The following TLE2 variants were observed in gnomAD, a reference collection of about 807,000 sequenced individuals.
TLE2 encodes the protein TLE family member 2, transcriptional corepressor.
A neutral mutation model predicts 97.2 loss-of-function variants in TLE2; 74 were observed. The observed-to-expected ratio is 0.76, with a 90% CI of 0.63 to 0.92. TLE2 has a LOEUF of 0.92. Among genes scored for constraint, TLE2 ranks in the 40% least tolerant of loss-of-function variants. The pLI is 0.00. For missense variants in TLE2, 1,038 were observed against 1,008.7 expected, an observed-to-expected ratio of 1.03 and a Z score of -0.39; for synonymous variants, 499 against 432.1, an observed-to-expected ratio of 1.15 and a Z score of -1.92.
At chr19:3,033,320 AC>A (rs1178220633), upstream of TLE2, among the ~76,000 whole-genome samples, 2 of 151,530 alleles carry the variant, frequency 1.3e-5, no homozygotes, top group African/African-American at 4.9e-5. Context: ...GGCGCCCACC[AC>A]CACGCCCAGC....
intron 8 of TLE2, among the ~76,000 whole-genome samples, chr19:3,017,522 C>T (rs539266895): frequency 1.4e-4 from 21 of 149,554 alleles, no homozygotes; most frequent in African/African-American, 5.0e-4. Flanking sequence ...ACGATCACAG[C>T]TCCCTTCAGC....
At chr19:3,031,000 GC>G (rs942453608), upstream of TLE2, among the ~76,000 whole-genome samples, 7 of 150,204 alleles carry the variant, frequency 4.7e-5, no homozygotes, top group African/African-American at 1.7e-4. Context: ...TCGTTTTCCA[GC>G]CCACAGATAT....
At chr19:3,018,793 T>C (rs1011615016) in intron 7 of TLE2, among the ~76,000 whole-genome samples, 1 of 151,626 alleles carries the variant, frequency 6.6e-6, no homozygotes, top group East Asian at 1.9e-4. Flanking sequence ...TTTTTTTGTA[T>C]TTTTAGTAGA....
At chr19:3,033,312 C>T (rs565389070), upstream of TLE2, among the ~76,000 whole-genome samples, 139 of 152,182 alleles carry the variant, frequency 9.1e-4, no homozygotes, top group Non-Finnish European at 1.4e-3. Flanking sequence ...GGACTACAGG[C>T]GCCCACCACC....
chr19:3,008,152 A>T (rs1264178292), intron 14 of TLE2, among the ~76,000 whole-genome samples: 1 of 152,198 alleles, frequency 6.6e-6, no homozygotes, highest in Non-Finnish European at 1.5e-5. Context: ...AAGTACTGAA[A>T]GCCACGCCCA....
chr19:3,014,681 C>T, intron 9 of TLE2, 67 bp from the exon 10 acceptor site: 1 of 1,429,818 alleles, frequency 7.0e-7, no homozygotes. Flanking sequence ...CTATCCGCTC[C>T]TCAGGAGTTG....
At chr19:3,006,843 C>T (rs1212798505) in intron 14 of TLE2, among the ~76,000 whole-genome samples, 174 bp from the exon 15 acceptor site, 3 of 152,136 alleles carry the variant, frequency 2.0e-5, no homozygotes, top group African/African-American at 7.2e-5. Flanking sequence ...AGTGCAGTGG[C>T]CCGATCTCAG....
chr19:3,019,546 A>C lies in TLE2; in HGVS notation c.370-83T>G. 1 of 1,486,174 alleles carries C rather than the reference A, an allele frequency of 6.7e-7. No homozygotes were observed. The allele number at this position is 1,486,174 out of a possible 1,614,324, so 92.1% of individuals were successfully genotyped here. On this transcript the variant is annotated intron_variant, in intron 6 of 19. Transcript: ENST00000262953. This position sits in a 1 kb window ranked among gnomAD's most constrained non-coding sequence, Gnocchi z 5.1. ...CCAGCCCAAGAGGTAGACACAGGGG[A>C]TGGGACCTAAGCACAGCATGTGCCC...
intron 8 of TLE2, 200 bp from the exon 9 acceptor site, chr19:3,015,960 G>A (rs1452772933): frequency 2.3e-5 from 15 of 663,656 alleles, no homozygotes; most frequent in Admixed American, 8.2e-5. Context: ...TGTTTTTGAC[G>A]GAGTCTTGCT....
chr19:3,009,887 C>CTCTTTTTTTT (rs764492373), intron 12 of TLE2, among the ~76,000 whole-genome samples, 185 bp from the exon 13 acceptor site: 4 of 148,518 alleles, frequency 2.7e-5, no homozygotes, highest in African/African-American at 7.4e-5. Context: ...TTCTCTCTCT[C>CTCTTTTTTTT]TTTTTTTCTT....
Position 3,023,086 on chromosome 19 carries a change from G to A in TLE2, c.294+1934C>T, listed in dbSNP as rs916453368. Among the ~76,000 whole-genome samples, 5 of 145,560 alleles carry A rather than the reference G, an allele frequency of 3.4e-5. No individual in the cohort carries two copies. In the East Asian group the frequency reaches 7.9e-4, roughly 23 times the overall value. On this transcript the variant is annotated intron_variant, in intron 5 of 19. Transcript: ENST00000262953. ...TTTTTTTTTTTTGAGACAGAATCTC[G>A]CTGTGTTGCCCAGGCTGGAGTGCAA... is the stretch of plus-strand genomic sequence containing the variant.
Position 2,997,670 on chromosome 19 carries a change from G to A in TLE2, c.*178C>T, listed in dbSNP as rs1280013577. On this transcript the variant is annotated 3_prime_UTR_variant, in exon 20 of 20. Coordinates refer to ENST00000262953, the MANE Select transcript of TLE2 (RefSeq NM_003260.5). The stretch of plus-strand genomic sequence containing the variant: ...GTGATAGATACATTTTATTTCCACC[G>A]AGGTCCCCTGCCCATCGGCCCCCAC... 1.4e-5 allele frequency: 8 copies of A among 582,294 alleles called. No individual in the cohort carries two copies. Among genetic ancestry groups the A allele is most frequent in the Non-Finnish European group, 2.2e-5 (7 of 322,086 alleles). 36.1% of individuals were successfully genotyped at this position (582,294 alleles called of 1,614,324 possible).
chr19:3,011,253 C>CGCAG, intron 11 of TLE2, 93 bp from the exon 12 acceptor site: 1 of 1,374,604 alleles, frequency 7.3e-7, no homozygotes, highest in Non-Finnish European at 9.7e-7. Context: ...GGCGGCCAGT[C>CGCAG]GCAGTGTCTC....
Position 3,013,719 on chromosome 19 carries a change from A to C in TLE2, c.823T>G (p.Leu275Val). The C allele has an allele frequency of 6.5e-7, 1 of 1,540,438 alleles. No individual in the cohort carries two copies. Among genetic ancestry groups the C allele is most frequent in the Non-Finnish European group, 8.7e-7 (1 of 1,145,236 alleles). The change falls in exon 11 of 20, where the codon TTG (leucine) becomes GTG (valine). Residue 275 changes from leucine (L) to valine (V), a missense_variant. By Grantham distance (32) the Leu-to-Val change is conservative. Transcript: ENST00000262953. ...AGCGGTGAGCCAAGGCTAGAGGCCA[A>C]GGAGGCTGGACTGTCCACCAGGTCC... ...RRDLVDSPAS[L>V]ASSLGSPLPR...
chr19:3,026,653 C>T (rs533702484), intron 4 of TLE2, among the ~76,000 whole-genome samples: 192 of 149,860 alleles, frequency 1.3e-3, no homozygotes, highest in Non-Finnish European at 2.0e-3. Context: ...TATCTCAGAA[C>T]CCTGAGGTCT....
intron 12 of TLE2, among the ~76,000 whole-genome samples, chr19:3,010,221 G>C (rs2089565867): frequency 6.6e-6 from 1 of 151,878 alleles, no homozygotes; most frequent in Non-Finnish European, 1.5e-5. Context: ...AAAATTAGCT[G>C]GGCATGGTGG....
chr19:3,014,763 G>A, intron 9 of TLE2, 149 bp from the exon 10 acceptor site: 1 of 755,110 alleles, frequency 1.3e-6, no homozygotes, highest in Non-Finnish European at 1.9e-6. Context: ...GCTCATAGCA[G>A]AAGGGAAGGC....
upstream of TLE2, among the ~76,000 whole-genome samples, chr19:3,046,794 C>T (rs1251915115): frequency 6.6e-6 from 1 of 151,916 alleles, no homozygotes; most frequent in East Asian, 1.9e-4. Context: ...CCAGAGGAAA[C>T]AGGGTGTTAG....
intron 1 of TLE2, among the ~76,000 whole-genome samples, chr19:3,041,223 C>T (rs1259874748): frequency 6.6e-6 from 1 of 151,070 alleles, no homozygotes; most frequent in East Asian, 1.9e-4. Context: ...GATGGGGTTT[C>T]ACCATGTTGG....
Sources: gnomAD v4.1 joint callset for allele counts (sites outside exome capture counted in the v4.1 genomes callset) on GRCh38, gnomAD v4.1.1 for gene constraint, Gnocchi (gnomAD v3.1) non-coding constraint, MANE v1.5 for transcripts, NCBI Gene and HGNC (gene_info 2026-07-23, HGNC 2026-07-21) for gene names.